Variants in TAB2 observed in about 807,000 individuals in gnomAD.
TAB2 encodes the protein TGF-beta activated kinase 1 (MAP3K7) binding protein 2, also known as TGF-beta-activated kinase 1 and MAP3K7-binding protein 2.
A neutral mutation model predicts 65.0 loss-of-function variants in TAB2; 3 were observed. The observed-to-expected ratio is 0.05, with a 90% confidence interval of 0.02 to 0.12. TAB2 has a LOEUF of 0.12. TAB2 is among the 10% of genes least tolerant of loss of function. The pLI is 1.00. For missense variants in TAB2, 623 were observed against 840.3 expected, an observed-to-expected ratio of 0.74 and a Z score of 3.20; for synonymous variants, 298 against 285.1, an observed-to-expected ratio of 1.05 and a Z score of -0.46.
intron 1 of TAB2, among the ~76,000 whole-genome samples, chr6:149,307,916 C>G (rs1253837309): frequency 6.6e-6 from 1 of 152,178 alleles, no homozygotes; most frequent in Admixed American, 6.5e-5. Context: ...AGACTTTTTT[C>G]TATACATACC....
intron 2 of TAB2, among the ~76,000 whole-genome samples, chr6:149,375,128 G>T (rs1186730199): frequency 6.6e-6 from 1 of 152,128 alleles, no homozygotes; most frequent in East Asian, 1.9e-4. Context: ...ACATATTGAA[G>T]TATTTACAAA....
intron 1 of TAB2, among the ~76,000 whole-genome samples, chr6:149,309,885 T>G (rs529788513): frequency 9.4e-5 from 14 of 149,382 alleles, no homozygotes; most frequent in African/African-American, 2.2e-4. Context: ...TGGGTGTGGG[T>G]GTGTGTGTGT....
At chr6:149,287,954 G>C (rs902260169) in intron 1 of TAB2, among the ~76,000 whole-genome samples, 1 of 152,140 alleles carries the variant, frequency 6.6e-6, no homozygotes, top group East Asian at 1.9e-4. Flanking sequence ...TCCTAAAAAC[G>C]TGAAATGTTT....
At chr6:149,229,562 A>G (rs1357194098) in intron 1 of TAB2, among the ~76,000 whole-genome samples, 1 of 152,186 alleles carries the variant, frequency 6.6e-6, no homozygotes, top group East Asian at 1.9e-4. Flanking sequence ...CAGGCCAGAA[A>G]GAAGCATGGC....
chr6:149,378,746 C>T lies in TAB2; in HGVS notation c.831C>T (p.Gly277=). ...HTSSQQPNQQ[G]HQTSHVYMPI... Reference sequence around the variant, plus strand: ...CATCTCAACAGCCAAATCAGCAAGGCCACCAGACCTCTCATGTCTACATGC... The same window carrying T: ...CATCTCAACAGCCAAATCAGCAAGGTCACCAGACCTCTCATGTCTACATGC... The change falls in exon 3 of 7, where the codon GGC becomes GGT. Residue 277 remains glycine, a synonymous_variant. Coordinates refer to ENST00000637181, the MANE Select transcript of TAB2 (RefSeq NM_001292034.3). 1 of 1,614,114 alleles carries T rather than the reference C, an allele frequency of 6.2e-7. No homozygotes were observed. The highest frequency in any genetic ancestry group is 8.5e-7 in the Non-Finnish European group (1 of 1,180,020).
At chr6:149,296,889 T>A (rs1046370169) in intron 1 of TAB2, among the ~76,000 whole-genome samples, 5 of 152,222 alleles carry the variant, frequency 3.3e-5, no homozygotes, top group Non-Finnish European at 7.4e-5. Flanking sequence ...ATTTTCATTA[T>A]AGCACATTGT....
chr6:149,281,771 A>T (rs1457947314), intron 1 of TAB2, among the ~76,000 whole-genome samples: 1 of 152,050 alleles, frequency 6.6e-6, no homozygotes, highest in Non-Finnish European at 1.5e-5. Flanking sequence ...GGTGATTAAT[A>T]AAAAAGAAGA....
intron 1 of TAB2, among the ~76,000 whole-genome samples, chr6:149,229,393 C>CGT (rs10553494): frequency 0.11 from 16,539 of 149,106 alleles, 1,017 homozygotes; most frequent in East Asian, 0.27. Flanking sequence ...CCTTTAAAGA[C>CGT]GTGTGTGTGT....
chr6:149,400,573 G>T, intron 6 of TAB2: 1 of 1,614,204 alleles, frequency 6.2e-7, no homozygotes, highest in Non-Finnish European at 8.5e-7. Context: ...ATCAGATTCC[G>T]ATTTGGTGGG....
intron 1 of TAB2, among the ~76,000 whole-genome samples, chr6:149,248,660 T>A (rs1777790877): frequency 6.6e-6 from 1 of 152,188 alleles, no homozygotes; most frequent in Non-Finnish European, 1.5e-5. Flanking sequence ...GTAGTTTCCC[T>A]AGTTCTTCCT....
At chr6:149,336,098 G>A (rs1240636246) in intron 1 of TAB2, among the ~76,000 whole-genome samples, 2 of 152,140 alleles carry the variant, frequency 1.3e-5, no homozygotes, top group Non-Finnish European at 2.9e-5. Flanking sequence ...CCAGGGCCTG[G>A]CACTAAGTTG....
intron 1 of TAB2, among the ~76,000 whole-genome samples, chr6:149,238,611 A>G (rs1583038616): frequency 6.6e-6 from 1 of 152,274 alleles, no homozygotes; most frequent in East Asian, 1.9e-4. Flanking sequence ...CGGCTCCTCC[A>G]AGGATGACCA....
At chr6:149,324,934 C>G (rs1301349249) in intron 1 of TAB2, among the ~76,000 whole-genome samples, 2 of 150,766 alleles carry the variant, frequency 1.3e-5, no homozygotes, top group African/African-American at 4.9e-5. Context: ...ATAGCTGGGA[C>G]TACAAGTGTG....
rs558345589 is a variant in TAB2, at chr6:149,283,111, T to C, written c.-121+64335T>C. On this transcript the variant is annotated intron_variant, in intron 1 of 1. Transcript: ENST00000606202. ...TCCTCCAGTTAGTACGTTTGAGGGGTTTAGTGCGGGAGGCTCCCCGGGTGA... is the reference window on the plus strand; with the variant it reads ...TCCTCCAGTTAGTACGTTTGAGGGGCTTAGTGCGGGAGGCTCCCCGGGTGA... Among the ~76,000 whole-genome samples the C allele has an allele frequency of 5.9e-5, 9 of 152,184 alleles. No homozygotes were observed. The East Asian group carries it at 1.5e-3, about 26-fold the overall frequency.
In TAB2 at chr6:149,261,787, T is replaced by A. The variant is rs140397949; in HGVS notation, c.-121+43011T>A. On this transcript the variant is annotated intron_variant, in intron 1 of 1. Coordinates refer to the TAB2 transcript ENST00000606202. ...GCTGATCCAGCTGAGACACAGTAGTTTCCAGGGTAAAATAACTTATAATCA... is the reference window on the plus strand; with the variant it reads ...GCTGATCCAGCTGAGACACAGTAGTATCCAGGGTAAAATAACTTATAATCA... 2.7e-3 allele frequency among the ~76,000 whole-genome samples: 404 copies of A among 152,374 alleles called. 2 individuals carry two copies. The highest frequency in any genetic ancestry group is 9.5e-3 in the African/African-American group (393 of 41,584).
chr6:149,348,547 CA>C (rs1780378504), intron 1 of TAB2, among the ~76,000 whole-genome samples: 1 of 151,600 alleles, frequency 6.6e-6, no homozygotes, highest in African/African-American at 2.4e-5. Flanking sequence ...GTGGTTGAGC[CA>C]GAGGCATGTT....
chr6:149,253,957 AAAAAG>A (rs1777920127), intron 1 of TAB2, among the ~76,000 whole-genome samples: 1 of 97,126 alleles, frequency 1.0e-5, no homozygotes, highest in Admixed American at 1.3e-4. Flanking sequence ...AGAAAGAAAG[AAAAAG>A]AAAGAAAGAA....
chr6:149,353,968 T>C (rs537843), intron 1 of TAB2, among the ~76,000 whole-genome samples: 132,591 of 152,214 alleles, frequency 0.87, 57,828 homozygotes, highest in Middle Eastern at 0.97. Flanking sequence ...GTCCAAGTTA[T>C]ATTTATGCAT....
chr6:149,410,683 A>T lies in TAB2; in HGVS notation c.*964A>T, dbSNP rs1315489722. 1 of 152,674 alleles carries T rather than the reference A, an allele frequency of 6.5e-6. No homozygotes were observed. Among genetic ancestry groups the T allele is most frequent in the East Asian group, 1.9e-4 (1 of 5,204 alleles). 9.5% of individuals were successfully genotyped at this position (152,674 alleles called of 1,614,324 possible). A position where few individuals can be genotyped will look rare whatever the true frequency, so the allele number is the denominator to read the frequency against. On this transcript the variant is annotated 3_prime_UTR_variant, in exon 7 of 7. Coordinates refer to ENST00000637181, the MANE Select transcript of TAB2 (RefSeq NM_001292034.3). ...ATTACAGAAGTGATGTCTGTAGGTC[A>T]CATTAAATACTGACTTGAGCAGTGG...
Sources: gnomAD v4.1 joint callset for allele counts (sites outside exome capture counted in the v4.1 genomes callset) on GRCh38, gnomAD v4.1.1 for gene constraint, MANE v1.5 for transcripts, NCBI Gene and HGNC (gene_info 2026-07-23, HGNC 2026-07-21) for gene names.